The following DPPA2 variants were observed in gnomAD, a reference collection of about 807,000 sequenced individuals.
DPPA2 encodes developmental pluripotency associated 2.
Under a neutral mutation model 36.2 loss-of-function variants are expected in DPPA2, and 26 were observed. That is an observed-to-expected ratio of 0.72 (90% CI 0.53 to 1.00). The LOEUF (loss-of-function observed/expected upper bound fraction) is 1.00. Among genes scored for constraint, DPPA2 ranks in the 50% least tolerant of loss-of-function variants. DPPA2 has a pLI of 0.00. For synonymous variants in DPPA2, 113 were observed against 123.2 expected (o/e 0.92, Z 0.55); for missense variants, 361 against 365.1 (o/e 0.99, Z 0.09).
rs553728847 is a variant in DPPA2, at chr3:109,305,532, T to C, written c.659-862A>G. On this transcript the variant is annotated intron_variant, in intron 6 of 8. Transcript: ENST00000478945. ...GCTTACGCCTGTAATCCCAGCACTT[T>C]GGGAGGCATAGGTGGGTGGATCACC... 1.2e-4 allele frequency among the ~76,000 whole-genome samples: 18 copies of C among 152,018 alleles called. No homozygotes were observed. In the South Asian group the frequency reaches 3.3e-3, roughly 28 times the overall value.
At chr3:109,298,108 A>G (rs1707385069) in intron 8 of DPPA2, among the ~76,000 whole-genome samples, 1 of 151,930 alleles carries the variant, frequency 6.6e-6, no homozygotes, top group Non-Finnish European at 1.5e-5. Flanking sequence ...AAAAAGATCT[A>G]TGGTTTCCAG....
rs1032822343 is a variant in DPPA2, at chr3:109,305,526, G to A, written c.659-856C>T. On this transcript the variant is annotated intron_variant, in intron 6 of 8. Coordinates refer to ENST00000478945, the MANE Select transcript of DPPA2 (RefSeq NM_138815.4). ...GTGGTGGCTTACGCCTGTAATCCCA[G>A]CACTTTGGGAGGCATAGGTGGGTGG... Among the ~76,000 whole-genome samples, 5 of 152,026 alleles carry A rather than the reference G, an allele frequency of 3.3e-5. No homozygotes were observed. The South Asian group carries it at 6.2e-4, about 19-fold the overall frequency.
chr3:109,316,234 C>A (rs1281751301), intron 1 of DPPA2, 50 bp downstream of exon 1: 2 of 149,440 alleles, frequency 1.3e-5, no homozygotes, highest in African/African-American at 4.9e-5. Context: ...GGATTACAGG[C>A]CCGCGCCACC....
At chr3:109,298,366 G>C (rs1576814953) in intron 8 of DPPA2, among the ~76,000 whole-genome samples, 1 of 151,998 alleles carries the variant, frequency 6.6e-6, no homozygotes, top group South Asian at 2.1e-4. Flanking sequence ...AGGACTGCTG[G>C]AGCCCAGAAG....
chr3:109,298,231 C>T (rs1348966897), intron 8 of DPPA2, among the ~76,000 whole-genome samples: 1 of 152,100 alleles, frequency 6.6e-6, no homozygotes, highest in African/African-American at 2.4e-5. Flanking sequence ...TTTGTCAAAA[C>T]CATAGAATGT....
chr3:109,294,402 A>C (rs1289388469), intron 8 of DPPA2, among the ~76,000 whole-genome samples: 1 of 152,200 alleles, frequency 6.6e-6, no homozygotes, highest in Non-Finnish European at 1.5e-5. Flanking sequence ...GTGATGTACA[A>C]TGTGGAAATT....
intron 6 of DPPA2, among the ~76,000 whole-genome samples, chr3:109,307,657 T>C (rs75020495): frequency 0.024 from 3,671 of 149,908 alleles, 152 homozygotes; most frequent in African/African-American, 0.083. Context: ...AGTAAGTAAC[T>C]TGCCAATGTC....
At position 109,312,652 on chromosome 3, in the gene DPPA2, A is replaced by G. The variant is rs754581428; in HGVS notation, c.74T>C (p.Ile25Thr). Residue 25 changes from isoleucine to threonine, a missense_variant, in exon 3 of 9, where the codon ATT (isoleucine) becomes ACT (threonine). By Grantham distance (89) the Ile-to-Thr change is moderately conservative. Transcript: ENST00000478945. ...ATCTTTAACTGGCACCAGTGTCAAA[A>G]TCACACTTTCCTCATCATCTACTTC... ...EGEVDDEESV[I>T]LTLVPVKDDA... The G allele has an allele frequency of 6.2e-7, 1 of 1,613,972 alleles. No homozygotes were observed. The highest frequency in any genetic ancestry group is 1.1e-5 in the South Asian group (1 of 91,060).
At chr3:109,316,031 G>T (rs958274253) in intron 1 of DPPA2, among the ~76,000 whole-genome samples, 40 of 152,220 alleles carry the variant, frequency 2.6e-4, no homozygotes, top group African/African-American at 8.4e-4. Context: ...AGGGGCTGAG[G>T]AATCTGTGCT....
chr3:109,309,546 C>T (rs1361267036), intron 3 of DPPA2, among the ~76,000 whole-genome samples: 8 of 151,436 alleles, frequency 5.3e-5, no homozygotes, highest in Admixed American at 6.6e-5. Context: ...AAAACTTAGC[C>T]GGGCGTGCTG....
chr3:109,300,713 T>A (rs778670416), intron 7 of DPPA2, among the ~76,000 whole-genome samples: 10 of 143,626 alleles, frequency 7.0e-5, no homozygotes, highest in South Asian at 2.2e-4. Flanking sequence ...TCCCAGCTAC[T>A]CAGGAGGCTG....
chr3:109,305,489 A>G (rs1441751611), intron 6 of DPPA2, among the ~76,000 whole-genome samples: 1 of 151,744 alleles, frequency 6.6e-6, no homozygotes, highest in African/African-American at 2.4e-5. Flanking sequence ...AAGTGTAAGG[A>G]ACAGGCTGGG....
intron 2 of DPPA2, among the ~76,000 whole-genome samples, chr3:109,314,052 C>A (rs554621832): frequency 9.2e-5 from 14 of 152,146 alleles, no homozygotes; most frequent in African/African-American, 3.4e-4. Flanking sequence ...ATTTCCTACT[C>A]TGAAAGAAAG....
chr3:109,308,329 C>T (rs754909666), intron 5 of DPPA2, 36 bp from the exon 6 acceptor site: 59 of 1,600,232 alleles, frequency 3.7e-5, no homozygotes, highest in Admixed American at 5.2e-5. Flanking sequence ...TTCAGTAAAC[C>T]GCTAGGGCTG....
At position 109,312,808 on chromosome 3, in the gene DPPA2, G is replaced by C. The variant is rs1035713138; in HGVS notation, c.34-116C>G. The stretch of plus-strand genomic sequence containing the variant: ...GAAGACAGTAGGTGGATGGAGAAAA[G>C]AATTACTGGGATTCCTAGAATGTGA... On this transcript the variant is annotated intron_variant, in intron 2 of 8. Transcript: ENST00000478945. 3 of 1,214,016 alleles carry C rather than the reference G, an allele frequency of 2.5e-6. No individual in the cohort carries two copies. In the African/African-American group the frequency reaches 4.5e-5, roughly 18 times the overall value. The allele number at this position is 1,214,016 out of a possible 1,614,324, so 75.2% of individuals were successfully genotyped here.
At chr3:109,299,262 C>G (rs180688512) in intron 8 of DPPA2, among the ~76,000 whole-genome samples, 204 of 151,964 alleles carry the variant, frequency 1.3e-3, no homozygotes, top group African/African-American at 4.7e-3. Flanking sequence ...CCTGTAATCC[C>G]AGCACTTTGG....
At chr3:109,303,144 G>A (rs1707487425) in intron 7 of DPPA2, among the ~76,000 whole-genome samples, 1 of 152,136 alleles carries the variant, frequency 6.6e-6, no homozygotes, top group African/African-American at 2.4e-5. Flanking sequence ...GGCCAGGCTG[G>A]TCTTGAAGTC....
chr3:109,309,197 T>C lies in DPPA2; in HGVS notation c.315A>G (p.Gln105=). 1 of 1,614,200 alleles carries C rather than the reference T, an allele frequency of 6.2e-7. No homozygotes were observed. Among genetic ancestry groups the C allele is most frequent in the Non-Finnish European group, 8.5e-7 (1 of 1,180,042 alleles). The part of the protein sequence containing the change: ...VCRDTLRDWC[Q]QLGLSTNGKK... ...TGCCATTAGTACTCAAACCGAGTTGTTGACACCAGTCCCGCAAAGTGTCCC... is the reference window on the plus strand; with the variant it reads ...TGCCATTAGTACTCAAACCGAGTTGCTGACACCAGTCCCGCAAAGTGTCCC... Residue 105 remains glutamine (Q), a synonymous_variant, in exon 4 of 9, where the codon CAA becomes CAG. Transcript: ENST00000478945.
Position 109,304,489 on chromosome 3 carries a change from G to T in DPPA2, c.840C>A (p.Pro280=). ...ATAAGGGTTACCTCTTAGCACAGTCGGGGCATAACATATTATCTTCTATGC... is the reference window on the plus strand; with the variant it reads ...ATAAGGGTTACCTCTTAGCACAGTCTGGGCATAACATATTATCTTCTATGC... ...SPGIEDNMLC[P]DCAKRNKKMM... is the part of the protein sequence containing the mutation. Residue 280 remains proline (P), a synonymous_variant, in exon 7 of 9, where the codon CCC becomes CCA. Transcript: ENST00000478945. 6.2e-7 allele frequency: 1 copy of T among 1,612,450 alleles called. No individual in the cohort carries two copies. The highest frequency in any genetic ancestry group is 1.1e-5 in the South Asian group (1 of 90,800).
Sources: gnomAD v4.1 joint callset for allele counts (sites outside exome capture counted in the v4.1 genomes callset) on GRCh38, gnomAD v4.1.1 for gene constraint, MANE v1.5 for transcripts, NCBI Gene and HGNC (gene_info 2026-07-23, HGNC 2026-07-21) for gene names.